Variants in GLIS3 observed in about 807,000 individuals in gnomAD.
GLIS3 encodes zinc finger protein GLIS3.
GLIS3 carries 53 observed loss-of-function variants against 78.6 expected under a neutral mutation model. The observed-to-expected ratio is 0.67, with a 90% CI of 0.54 to 0.85. GLIS3 has a LOEUF of 0.85. Ranked by LOEUF, GLIS3 falls within the 40% of genes least tolerant of loss-of-function variation. The probability of loss-of-function intolerance (pLI) is 0.00; values close to 1 mark genes in which losing one functional copy is unlikely to be tolerated. For synonymous variants in GLIS3, 684 were observed against 509.9 expected, an observed-to-expected ratio of 1.34 and a Z score of -4.60; for missense variants, 1,703 against 1,231.1, an observed-to-expected ratio of 1.38 and a Z score of -5.74.
At chr9:4,214,304 GT>G (rs1364981613) in intron 2 of GLIS3, among the ~76,000 whole-genome samples, 1 of 152,226 alleles carries the variant, frequency 6.6e-6, no homozygotes, top group Non-Finnish European at 1.5e-5. Context: ...AGCTATCAAT[GT>G]GTCAAACGGT....
Position 3,895,227 on chromosome 9 carries a change from G to A in GLIS3, c.2128+3464C>T, listed in dbSNP as rs151197184. 5.4e-3 allele frequency among the ~76,000 whole-genome samples: 828 copies of A among 152,296 alleles called. 12 individuals are homozygous for A. The highest frequency in any genetic ancestry group is 0.015 in the Admixed American group (237 of 15,298). On this transcript the variant is annotated intron_variant, in intron 7 of 10. Coordinates refer to ENST00000381971, the MANE Select transcript of GLIS3 (RefSeq NM_001042413.2). ...GCCTTGAAAGTGGCATTCACACTTC[G>A]ATCAACAGGCTATGAAATAGTCCCT...
intron 2 of GLIS3, among the ~76,000 whole-genome samples, chr9:4,330,233 C>A (rs1395348552): frequency 6.6e-6 from 1 of 152,216 alleles, no homozygotes; most frequent in Non-Finnish European, 1.5e-5. Context: ...GCTCCCAAGA[C>A]AGCAAGGTGT....
chr9:4,233,587 C>G (rs900028993), intron 2 of GLIS3, among the ~76,000 whole-genome samples: 1 of 152,152 alleles, frequency 6.6e-6, no homozygotes, highest in African/African-American at 2.4e-5. Context: ...TTTGTTGTTC[C>G]ATTTATAGAT....
intron 2 of GLIS3, among the ~76,000 whole-genome samples, chr9:4,345,525 A>G (rs1817886471): frequency 6.6e-6 from 1 of 152,190 alleles, no homozygotes; most frequent in Admixed American, 6.5e-5. Flanking sequence ...CATAATTTAG[A>G]ATACTTATCA....
chr9:4,229,241 C>T (rs1045613646), intron 2 of GLIS3, among the ~76,000 whole-genome samples: 6 of 152,210 alleles, frequency 3.9e-5, no homozygotes, highest in East Asian at 1.9e-4. Flanking sequence ...GATTTGCTTT[C>T]GCTGAAATCG....
In GLIS3 at chr9:4,233,793, T is replaced by C. The variant is rs138693948; in HGVS notation, c.388+52245A>G. On this transcript the variant is annotated intron_variant, in intron 2 of 10. Coordinates refer to ENST00000381971, the MANE Select transcript of GLIS3 (RefSeq NM_001042413.2). ...AGTCCTAGATGGCATCTTCTTCCAA[T>C]AGAAGGCTGTTTTATCTACATTGAA... Among the ~76,000 whole-genome samples the C allele has an allele frequency of 6.6e-5, 10 of 152,360 alleles. No homozygotes were observed. The East Asian group carries it at 1.7e-3, about 26-fold the overall frequency.
At chr9:4,128,226 C>G (rs560652019) in intron 2 of GLIS3, among the ~76,000 whole-genome samples, 8 of 152,336 alleles carry the variant, frequency 5.3e-5, no homozygotes, top group African/African-American at 1.7e-4. Flanking sequence ...CAAGGGTCAC[C>G]TCCTATATGA....
At chr9:3,884,949 A>G (rs1223514678) in intron 7 of GLIS3, among the ~76,000 whole-genome samples, 2 of 152,198 alleles carry the variant, frequency 1.3e-5, no homozygotes, top group African/African-American at 4.8e-5. Context: ...ATAGCCACTA[A>G]TCCCCCACCA....
At chr9:4,303,167 C>A (rs1459430447), upstream of GLIS3, among the ~76,000 whole-genome samples, 1 of 152,096 alleles carries the variant, frequency 6.6e-6, no homozygotes, top group Non-Finnish European at 1.5e-5. Context: ...CAGATTCCTC[C>A]TCCCACAAAG....
intron 6 of GLIS3, among the ~76,000 whole-genome samples, chr9:3,916,595 T>C (rs1241822577): frequency 2.6e-5 from 4 of 152,216 alleles, no homozygotes; most frequent in African/African-American, 7.2e-5. Context: ...AGAGAAAAAT[T>C]GCAGCGCTGC....
chr9:4,285,219 C>T (rs1158678952), intron 2 of GLIS3, among the ~76,000 whole-genome samples: 6 of 152,216 alleles, frequency 3.9e-5, no homozygotes, highest in South Asian at 4.1e-4. Context: ...CTATATTTTA[C>T]GTGGGGTGCA....
chr9:3,967,040 A>G (rs78560089), intron 4 of GLIS3, among the ~76,000 whole-genome samples: 6,689 of 129,052 alleles, frequency 0.052, 428 homozygotes, highest in East Asian at 0.082. Flanking sequence ...AAAACAAAAA[A>G]ACATTTTGAG....
chr9:3,837,205 T>G (rs1170285650), intron 9 of GLIS3, among the ~76,000 whole-genome samples: 7 of 152,190 alleles, frequency 4.6e-5, no homozygotes, highest in Admixed American at 4.6e-4. Flanking sequence ...CCCTTCATAC[T>G]ACTAACTAAG....
chr9:3,984,965 G>C (rs919812839), intron 4 of GLIS3, among the ~76,000 whole-genome samples: 1 of 152,040 alleles, frequency 6.6e-6, no homozygotes, highest in East Asian at 1.9e-4. Context: ...CTTGCCTTCT[G>C]CCATGATTGT....
chr9:4,214,798 G>A (rs997599045), intron 2 of GLIS3, among the ~76,000 whole-genome samples: 7 of 152,118 alleles, frequency 4.6e-5, no homozygotes, highest in African/African-American at 1.7e-4. Context: ...TTGCGTAGCT[G>A]GGAAACATGT....
chr9:4,406,528 C>T, the GLIS3 span, among the ~76,000 whole-genome samples: 1 of 152,036 alleles, frequency 6.6e-6, no homozygotes, highest in African/African-American at 2.4e-5. Context: ...CAATGTTGGT[C>T]AGATATGATC....
chr9:4,374,272 C>T, the GLIS3 span, among the ~76,000 whole-genome samples: 1 of 152,222 alleles, frequency 6.6e-6, no homozygotes, highest in African/African-American at 2.4e-5. Flanking sequence ...GAAGCAATGG[C>T]TGTTATGGGC....
intron 2 of GLIS3, among the ~76,000 whole-genome samples, chr9:4,173,561 TACACACACACACACACAC>T (rs34572625): frequency 0.011 from 1,564 of 146,522 alleles, 9 homozygotes; most frequent in South Asian, 0.028. Flanking sequence ...TGTGTATAGA[TACACACACACACACACAC>T]ACACACACAC....
intron 2 of GLIS3, among the ~76,000 whole-genome samples, chr9:4,168,280 T>C (rs1015155069): frequency 2.6e-5 from 4 of 152,110 alleles, no homozygotes; most frequent in African/African-American, 9.7e-5. Context: ...TATTTTAAAA[T>C]AAAGGGTTTT....
Sources: gnomAD v4.1 joint callset for allele counts (sites outside exome capture counted in the v4.1 genomes callset) on GRCh38, gnomAD v4.1.1 for gene constraint, MANE v1.5 for transcripts, NCBI Gene and HGNC (gene_info 2026-07-23, HGNC 2026-07-21) for gene names.